GALNT17: variants seen among roughly 807,000 people sequenced by gnomAD.
GALNT17 encodes the protein UDP-GalNAc:polypeptide N-acetylgalactosaminyltransferase-like 3.
In GALNT17, 29 loss-of-function variants were observed where a neutral mutation model predicts 63.7. The ratio of observed to expected loss-of-function variants is 0.46; its 90% CI spans 0.34 to 0.62. GALNT17 has a LOEUF of 0.62. GALNT17 is among the 20% of genes least tolerant of loss of function. The pLI is 0.01. For missense variants in GALNT17, 603 were observed against 799.6 expected (o/e 0.75, Z 2.97); for synonymous variants, 305 against 318.3 (o/e 0.96, Z 0.45).
At chr7:71,694,516 C>T (rs972910626) in intron 9 of GALNT17, among the ~76,000 whole-genome samples, 28 of 152,098 alleles carry the variant, frequency 1.8e-4, no homozygotes, top group Admixed American at 1.8e-3. Flanking sequence ...CTGCCTCAGC[C>T]TCCCAAGTAG....
intron 1 of GALNT17, among the ~76,000 whole-genome samples, chr7:71,196,790 A>G (rs1490768944): frequency 6.6e-6 from 1 of 151,846 alleles, no homozygotes; most frequent in Non-Finnish European, 1.5e-5. Context: ...AGTAGCTGGG[A>G]CTACAGGTGC....
At chr7:71,389,697 C>T (rs960684633) in intron 3 of GALNT17, among the ~76,000 whole-genome samples, 2 of 152,104 alleles carry the variant, frequency 1.3e-5, no homozygotes, top group Admixed American at 6.5e-5. Flanking sequence ...CTCCCCACCC[C>T]GCACCCCATC....
rs1554345967 is a variant in GALNT17 at position 71,265,098 on chromosome 7, T to TTATATATATATATATA, written c.239-70446_239-70431dup. 2.2e-4 allele frequency among the ~76,000 whole-genome samples: 17 copies of TTATATATATATATATA among 78,362 alleles called. No homozygotes were observed. The South Asian group carries it at 5.1e-3, about 23-fold the overall frequency. The allele number at this position is 78,362 out of a possible 152,430, so 51.4% of individuals were successfully genotyped here. A position where few individuals can be genotyped will look rare whatever the true frequency, so the allele number is the denominator to read the frequency against. On this transcript the variant is annotated intron_variant, in intron 1 of 10. Coordinates refer to ENST00000333538, the MANE Select transcript of GALNT17 (RefSeq NM_022479.3). ...AAATACCACACGTAACCCATAAATA[T>TTATATATATATATATA]TATATATATATATATATATATTTTT...
chr7:71,193,454 C>CTTTTTTTTTTT (rs1159902249), intron 1 of GALNT17, among the ~76,000 whole-genome samples: 3 of 107,320 alleles, frequency 2.8e-5, no homozygotes, highest in East Asian at 2.9e-4. Flanking sequence ...ACGCTTTTGT[C>CTTTTTTTTTTT]TTTTTTTTTT....
At chr7:71,378,130 C>A (rs1409815318) in intron 2 of GALNT17, among the ~76,000 whole-genome samples, 1 of 152,124 alleles carries the variant, frequency 6.6e-6, no homozygotes, top group Non-Finnish European at 1.5e-5. Context: ...GCAGGACACA[C>A]TTGGACTCAA....
intron 6 of GALNT17, among the ~76,000 whole-genome samples, chr7:71,603,923 CATTT>C (rs1389744822): frequency 3.2e-5 from 4 of 123,200 alleles, no homozygotes; most frequent in Admixed American, 7.8e-5. Flanking sequence ...ATGCTAAGTG[CATTT>C]ACCAGGCACT....
rs377572697 is a variant in GALNT17, at chr7:71,626,042, G to A, written c.1081-39369G>A. On this transcript the variant is annotated intron_variant, in intron 6 of 10. Transcript: ENST00000333538. ...AGGCAGATCACAAGGTCAGGAGAGC[G>A]AGACCATCCTGACCAACATGGTGAA... Among the ~76,000 whole-genome samples the A allele has an allele frequency of 9.3e-4, 142 of 152,144 alleles. No individual in the cohort carries two copies. In the South Asian group the frequency reaches 0.012, roughly 13 times the overall value.
chr7:71,310,477 A>G (rs1385941568), intron 1 of GALNT17, among the ~76,000 whole-genome samples: 1 of 152,152 alleles, frequency 6.6e-6, no homozygotes, highest in Non-Finnish European at 1.5e-5. Context: ...GTTTGTGCAA[A>G]AGTAATTGTT....
intron 6 of GALNT17, among the ~76,000 whole-genome samples, chr7:71,598,613 T>A (rs1388467043): frequency 2.0e-5 from 3 of 152,202 alleles, no homozygotes; most frequent in Non-Finnish European, 4.4e-5. Context: ...AGGAATGAGA[T>A]GTCTCAACAA....
intron 6 of GALNT17, among the ~76,000 whole-genome samples, chr7:71,619,260 G>A (rs1383055687): frequency 6.6e-6 from 1 of 152,132 alleles, no homozygotes; most frequent in Non-Finnish European, 1.5e-5. Context: ...GCTCAAGATT[G>A]CTCTGGCTAT....
At chr7:71,590,097 A>G (rs1789776520) in intron 6 of GALNT17, among the ~76,000 whole-genome samples, 1 of 152,230 alleles carries the variant, frequency 6.6e-6, no homozygotes. Flanking sequence ...TGTAATAAAC[A>G]AAAATGTGTT....
chr7:71,291,677 A>C (rs769558357), intron 1 of GALNT17, among the ~76,000 whole-genome samples: 2 of 152,166 alleles, frequency 1.3e-5, no homozygotes, highest in Non-Finnish European at 2.9e-5. Context: ...TGTTATGCGT[A>C]CCTTATATCC....
intron 6 of GALNT17, among the ~76,000 whole-genome samples, chr7:71,625,653 A>G (rs1790361289): frequency 2.0e-5 from 3 of 152,086 alleles, no homozygotes; most frequent in Admixed American, 2.0e-4. Context: ...GAGCTGTGTG[A>G]TTGCAAGCAG....
intron 1 of GALNT17, among the ~76,000 whole-genome samples, chr7:71,330,302 CGTGCCCGGCT>C (rs1791785810): frequency 1.3e-5 from 2 of 151,016 alleles, no homozygotes; most frequent in Non-Finnish European, 3.0e-5. Flanking sequence ...CATGAGCCAC[CGTGCCCGGCT>C]GGACAAGTGG....
chr7:71,142,413 G>A (rs1043594773), intron 1 of GALNT17, among the ~76,000 whole-genome samples: 1 of 152,120 alleles, frequency 6.6e-6, no homozygotes, highest in Non-Finnish European at 1.5e-5. Context: ...TTATAATGAT[G>A]GTGCCTTTGG....
At chr7:71,316,212 GA>G (rs1408677390) in intron 1 of GALNT17, among the ~76,000 whole-genome samples, 1 of 60,768 alleles carries the variant, frequency 1.6e-5, no homozygotes, top group Non-Finnish European at 5.0e-5. Context: ...GTCTGATCAG[GA>G]TCCTGATCTG....
chr7:71,586,771 C>A (rs1358114589), intron 6 of GALNT17, among the ~76,000 whole-genome samples: 1 of 151,146 alleles, frequency 6.6e-6, no homozygotes, highest in African/African-American at 2.4e-5. Context: ...TTTGGGGGTA[C>A]ATGTGATAAT....
chr7:71,477,237 T>C (rs28729790), intron 5 of GALNT17, among the ~76,000 whole-genome samples: 2 of 152,142 alleles, frequency 1.3e-5, no homozygotes, highest in African/African-American at 2.4e-5. Context: ...CCAATGATTA[T>C]CTTGACTGAC....
intron 2 of GALNT17, among the ~76,000 whole-genome samples, chr7:71,380,419 T>G (rs1368580615): frequency 1.3e-5 from 2 of 152,154 alleles, no homozygotes; most frequent in Admixed American, 1.3e-4. Context: ...CCCAGCAGCC[T>G]TGAACTCCTG....
Sources: gnomAD v4.1 joint callset for allele counts (sites outside exome capture counted in the v4.1 genomes callset) on GRCh38, gnomAD v4.1.1 for gene constraint, MANE v1.5 for transcripts, NCBI Gene and HGNC (gene_info 2026-07-23, HGNC 2026-07-21) for gene names.